The following MECOM variants were observed in gnomAD, a reference collection of about 807,000 sequenced individuals.
MECOM encodes MDS1 and EVI1 complex locus.
Under a neutral mutation model 116.3 loss-of-function variants are expected in MECOM, and 13 were observed. The ratio of observed to expected loss-of-function variants is 0.11; its 90% CI spans 0.07 to 0.18. MECOM has a LOEUF of 0.18. Ranked by LOEUF, MECOM falls within the 10% of genes least tolerant of loss-of-function variation. MECOM has a pLI of 1.00. For missense variants in MECOM, 1,299 were observed against 1,509.0 expected (o/e 0.86, Z 2.31); for synonymous variants, 528 against 535.2 (o/e 0.99, Z 0.19).
chr3:169,608,978 T>C (rs1768924182), intron 1 of MECOM, among the ~76,000 whole-genome samples: 1 of 152,148 alleles, frequency 6.6e-6, no homozygotes, highest in Admixed American at 6.5e-5. Flanking sequence ...TCTCATCCCA[T>C]TACGCCATCT....
intron 12 of MECOM, among the ~76,000 whole-genome samples, chr3:169,098,271 T>C (rs1002743673): frequency 6.6e-6 from 1 of 152,230 alleles, no homozygotes; most frequent in Non-Finnish European, 1.5e-5. Context: ...TGATCCCACA[T>C]TGCATTTAGC....
chr3:169,311,794 CA>C (rs1718826420), intron 2 of MECOM, among the ~76,000 whole-genome samples: 1 of 151,968 alleles, frequency 6.6e-6, no homozygotes, highest in Non-Finnish European at 1.5e-5. Context: ...TACTAAAAGA[CA>C]AGCTCATGAC....
chr3:169,603,026 T>C (rs1768013497), intron 1 of MECOM, among the ~76,000 whole-genome samples: 1 of 152,206 alleles, frequency 6.6e-6, no homozygotes, highest in African/African-American at 2.4e-5. Flanking sequence ...GAATATATTA[T>C]TGTAATATCA....
At chr3:169,496,478 T>C (rs1357189539) in intron 1 of MECOM, among the ~76,000 whole-genome samples, 1 of 152,174 alleles carries the variant, frequency 6.6e-6, no homozygotes, top group Non-Finnish European at 1.5e-5. Flanking sequence ...AAGTGAATCG[T>C]CAAACTAATG....
intron 2 of MECOM, among the ~76,000 whole-genome samples, chr3:169,283,223 T>TACACTTATTA (rs1712510686): frequency 6.6e-6 from 1 of 151,858 alleles, no homozygotes; most frequent in Non-Finnish European, 1.5e-5. Flanking sequence ...AAAAAAGAGG[T>TACACTTATTA]CAGGCATGGT....
At chr3:169,140,741 A>G (rs983910302) in intron 3 of MECOM, among the ~76,000 whole-genome samples, 12 of 8,596 alleles carry the variant, frequency 1.4e-3, no homozygotes, top group African/African-American at 4.8e-3. Context: ...AATTTAAACT[A>G]CTCAGGAAAA....
chr3:169,387,032 T>C (rs771701894), intron 1 of MECOM, among the ~76,000 whole-genome samples: 7 of 152,212 alleles, frequency 4.6e-5, no homozygotes, highest in East Asian at 1.9e-4. Context: ...AGCCCTTGGA[T>C]ATTGTATTTT....
chr3:169,559,191 G>A (rs536361283), intron 1 of MECOM, among the ~76,000 whole-genome samples: 1 of 152,124 alleles, frequency 6.6e-6, no homozygotes, highest in African/African-American at 2.4e-5. Flanking sequence ...ACTTTGCATA[G>A]AAATAATGTT....
intron 1 of MECOM, among the ~76,000 whole-genome samples, chr3:169,576,501 T>A (rs1460774453): frequency 6.6e-6 from 1 of 152,034 alleles, no homozygotes; most frequent in Non-Finnish European, 1.5e-5. Context: ...GTAAGGAAGG[T>A]TATGCATACC....
chr3:169,436,178 T>C (rs1230212239), intron 1 of MECOM, among the ~76,000 whole-genome samples: 1 of 151,520 alleles, frequency 6.6e-6, no homozygotes, highest in African/African-American at 2.4e-5. Context: ...TATCACATTG[T>C]GCTTATGTTT....
intron 2 of MECOM, among the ~76,000 whole-genome samples, chr3:169,230,347 G>A (rs915733723): frequency 6.6e-6 from 1 of 151,866 alleles, no homozygotes; most frequent in Admixed American, 6.6e-5. Flanking sequence ...CCTCCTTGAT[G>A]TTATAATAAT....
chr3:169,135,605 T>A (rs539504233), intron 3 of MECOM, among the ~76,000 whole-genome samples: 3 of 152,008 alleles, frequency 2.0e-5, no homozygotes, highest in Non-Finnish European at 4.4e-5. Context: ...AATACCAAAA[T>A]CCAGAAGCAC....
At chr3:169,155,169 A>T (rs1053893526) in intron 2 of MECOM, among the ~76,000 whole-genome samples, 2 of 152,210 alleles carry the variant, frequency 1.3e-5, no homozygotes, top group Non-Finnish European at 2.9e-5. Flanking sequence ...TTTACATCCA[A>T]GCAAAGTTGG....
chr3:169,150,978 A>C (rs1204645846), intron 2 of MECOM, among the ~76,000 whole-genome samples: 2 of 152,238 alleles, frequency 1.3e-5, no homozygotes, highest in Admixed American at 6.5e-5. Flanking sequence ...CAATAAGGCC[A>C]CTGGCTCTGC....
chr3:169,277,286 A>T (rs889324663), intron 2 of MECOM, among the ~76,000 whole-genome samples: 1 of 152,206 alleles, frequency 6.6e-6, no homozygotes, highest in Non-Finnish European at 1.5e-5. Flanking sequence ...GGAGGAGCTC[A>T]AACATACTAC....
chr3:169,090,690 C>A (rs909989394), intron 14 of MECOM, among the ~76,000 whole-genome samples: 1 of 151,700 alleles, frequency 6.6e-6, no homozygotes, highest in Non-Finnish European at 1.5e-5. Flanking sequence ...CTCTAAAAGT[C>A]CAAAGACAAT....
At chr3:169,313,998 C>T (rs1335930135) in intron 2 of MECOM, among the ~76,000 whole-genome samples, 1 of 152,194 alleles carries the variant, frequency 6.6e-6, no homozygotes, top group Non-Finnish European at 1.5e-5. Flanking sequence ...CTACCACATC[C>T]TAACCTAACA....
At chr3:169,614,763 GCCT>G (rs1769776357) in intron 1 of MECOM, 1 of 151,754 alleles carries the variant, frequency 6.6e-6, no homozygotes, top group Non-Finnish European at 1.5e-5. Context: ...CAAACTCCTG[GCCT>G]CCTCCTGCCT....
intron 1 of MECOM, among the ~76,000 whole-genome samples, chr3:169,399,562 C>A (rs1480656139): frequency 1.3e-5 from 2 of 152,064 alleles, no homozygotes; most frequent in East Asian, 3.9e-4. Context: ...GCAAATGTGC[C>A]CCAGAAGTGA....
Sources: gnomAD v4.1 joint callset for allele counts (sites outside exome capture counted in the v4.1 genomes callset) on GRCh38, gnomAD v4.1.1 for gene constraint, MANE v1.5 for transcripts, NCBI Gene and HGNC (gene_info 2026-07-23, HGNC 2026-07-21) for gene names.